Variants in UNC80 observed in about 807,000 individuals in gnomAD.
UNC80 encodes unc-80 subunit of NALCN channel complex, also known as protein unc-80 homolog.
In UNC80, 164 loss-of-function variants were observed where a neutral mutation model predicts 384.6. The observed-to-expected ratio is 0.43, with a 90% CI of 0.38 to 0.49. UNC80 has a LOEUF of 0.49. UNC80 is among the 20% of genes least tolerant of loss of function. UNC80 has a pLI of 0.00. For missense variants in UNC80, 3,330 were observed against 4,143.0 expected, an observed-to-expected ratio of 0.80 and a Z score of 5.39; for synonymous variants, 1,486 against 1,527.8, an observed-to-expected ratio of 0.97 and a Z score of 0.64.
chr2:209,972,072 C>A, intron 54 of UNC80, 129 bp from the exon 55 acceptor site: 1 of 1,160,798 alleles, frequency 8.6e-7, no homozygotes, highest in Non-Finnish European at 1.2e-6. Context: ...GCTGTACAGA[C>A]AACAATTGAA....
At position 209,993,353 on chromosome 2, in the gene UNC80, T is replaced by C; in HGVS notation, c.9435T>C (p.Thr3145=). The change falls in exon 63 of 65, where the codon ACT becomes ACC. Residue 3145 remains threonine, a synonymous_variant. Transcript: ENST00000673920. ...RPLLSRQKTQ[T]EPRNRQGARL... is the part of the protein sequence containing the mutation. ...TACTATCACGTCAGAAAACTCAGAC[T>C]GAACCCAGAAATCGCCAAGGGGCTC... 1.3e-6 allele frequency: 2 copies of C among 1,551,996 alleles called. No homozygotes were observed. Among genetic ancestry groups the C allele is most frequent in the Non-Finnish European group, 1.7e-6 (2 of 1,147,032 alleles).
rs1489801507 is a variant in UNC80, at chr2:209,921,642, G to A, written c.5486G>A (p.Cys1829Tyr). ...ITAIPITQEACYEPTCTPNSE... is the reference protein window; with the variant it reads ...ITAIPITQEAYYEPTCTPNSE... Reference sequence around the variant, plus strand: ...GCCATCCCCATCACCCAGGAGGCTTGCTATGAGCCCACATGCACGCCCAAC... The same window carrying A: ...GCCATCCCCATCACCCAGGAGGCTTACTATGAGCCCACATGCACGCCCAAC... Residue 1829 changes from cysteine (C) to tyrosine (Y), a missense_variant, in exon 34 of 65, where the codon TGC (cysteine) becomes TAC (tyrosine). Coordinates refer to ENST00000673920, the MANE Select transcript of UNC80 (RefSeq NM_001371986.1). 1.3e-6 allele frequency: 2 copies of A among 1,551,502 alleles called. No individual in the cohort carries two copies. The highest frequency in any genetic ancestry group is 1.4e-5 in the African/African-American group (1 of 73,032).
At chr2:209,934,888 T>G (rs1357768157) in intron 39 of UNC80, among the ~76,000 whole-genome samples, 5 of 152,142 alleles carry the variant, frequency 3.3e-5, no homozygotes, top group Non-Finnish European at 5.9e-5. Context: ...CCAAAAAAAG[T>G]GATCAGTTTT....
intron 3 of UNC80, among the ~76,000 whole-genome samples, chr2:209,776,672 C>T (rs1212858403): frequency 1.3e-5 from 2 of 152,204 alleles, no homozygotes; most frequent in Non-Finnish European, 2.9e-5. Flanking sequence ...TAGCCAAGGT[C>T]ATCCTTTTTG....
chr2:209,809,360 C>A, intron 7 of UNC80: 1 of 917,136 alleles, frequency 1.1e-6, no homozygotes, highest in Non-Finnish European at 1.8e-6. Context: ...TTCTCCAGAC[C>A]CTGGCTGCTG....
chr2:209,771,997 G>A lies in UNC80; in HGVS notation c.-76G>A. 9.3e-7 allele frequency: 1 copy of A among 1,080,600 alleles called. No individual in the cohort carries two copies. Among genetic ancestry groups the A allele is most frequent in the Non-Finnish European group, 1.4e-6 (1 of 722,390 alleles). The allele number at this position is 1,080,600 out of a possible 1,614,324, so 66.9% of individuals were successfully genotyped here. A position where few individuals can be genotyped will look rare whatever the true frequency, so the allele number is the denominator to read the frequency against. ...AAGGAGGGGATGAGAGTTGGGAGCAGCGGGAGGAGGCGGCGGCGGCGGCTA... is the reference window on the plus strand; with the variant it reads ...AAGGAGGGGATGAGAGTTGGGAGCAACGGGAGGAGGCGGCGGCGGCGGCTA... On this transcript the variant is annotated 5_prime_UTR_variant, in exon 1 of 65. Coordinates refer to ENST00000673920, the MANE Select transcript of UNC80 (RefSeq NM_001371986.1).
At chr2:209,942,539 C>G (rs1444527635) in intron 44 of UNC80, among the ~76,000 whole-genome samples, 1 of 152,088 alleles carries the variant, frequency 6.6e-6, no homozygotes, top group Non-Finnish European at 1.5e-5. Context: ...TCAGGCAGGG[C>G]CCAGGGGCTC....
intron 1 of UNC80, among the ~76,000 whole-genome samples, chr2:209,772,768 C>T (rs1431060720): frequency 1.3e-5 from 2 of 152,212 alleles, no homozygotes; most frequent in Middle Eastern, 3.4e-3. Flanking sequence ...GACCCATAAG[C>T]CGTGTTCAAT....
At chr2:209,815,427 T>A (rs1309945734) in intron 9 of UNC80, 36 bp downstream of exon 9, 1 of 1,537,294 alleles carries the variant, frequency 6.5e-7, no homozygotes, top group Non-Finnish European at 8.8e-7. Context: ...GATATTTTGG[T>A]AAATAAAAAA....
intron 47 of UNC80, among the ~76,000 whole-genome samples, chr2:209,947,215 G>T (rs1423325219): frequency 6.6e-6 from 1 of 152,118 alleles, no homozygotes; most frequent in Non-Finnish European, 1.5e-5. Flanking sequence ...CATTCTATAC[G>T]TGATTGTAAA....
chr2:209,856,358 T>C (rs557067741), intron 22 of UNC80, among the ~76,000 whole-genome samples: 1 of 152,302 alleles, frequency 6.6e-6, no homozygotes, highest in African/African-American at 2.4e-5. Context: ...TAATCTTTTT[T>C]CTGTTCATTA....
In UNC80 at chr2:209,777,274, G is replaced by T; in HGVS notation, c.315G>T (p.Leu105Phe). Residue 105 changes from leucine to phenylalanine, a missense_variant, in exon 4 of 65, where the codon TTG becomes TTT. By Grantham distance (22) the Leu-to-Phe change is conservative. Transcript: ENST00000673920. ...NRNKLGHQDK[L>F]GVAETKLLHT... ...CCCATGCAGGCCACCAGGATAAATTGGGTGTTGCTGAGACAAAGCTCCTTC... is the reference window on the plus strand; with the variant it reads ...CCCATGCAGGCCACCAGGATAAATTTGGTGTTGCTGAGACAAAGCTCCTTC... 6.3e-7 allele frequency: 1 copy of T among 1,595,774 alleles called. No individual in the cohort carries two copies. The highest frequency in any genetic ancestry group is 2.2e-5 in the East Asian group (1 of 44,724).
chr2:209,953,499 A>G (rs1328697425), intron 47 of UNC80, among the ~76,000 whole-genome samples: 4 of 151,358 alleles, frequency 2.6e-5, no homozygotes, highest in East Asian at 1.9e-4. Context: ...CCCACTTTGC[A>G]TAATAACTAC....
intron 47 of UNC80, among the ~76,000 whole-genome samples, chr2:209,951,845 T>C (rs928187956): frequency 1.3e-5 from 2 of 152,156 alleles, no homozygotes; most frequent in African/African-American, 4.8e-5. Flanking sequence ...TTTTTCCTCC[T>C]TAACCACATG....
intron 17 of UNC80, among the ~76,000 whole-genome samples, 184 bp downstream of exon 17, chr2:209,834,352 A>T (rs373857839): frequency 3.3e-5 from 5 of 152,338 alleles, no homozygotes; most frequent in African/African-American, 9.6e-5. Flanking sequence ...TTACTGTCAA[A>T]TAAATGCTGC....
At position 209,777,464 on chromosome 2, in the gene UNC80, G is replaced by A. The variant is rs769494103; in HGVS notation, c.505G>A (p.Glu169Lys). 24 of 1,614,158 alleles carry A rather than the reference G, an allele frequency of 1.5e-5. No individual in the cohort carries two copies. Among genetic ancestry groups the A allele is most frequent in the Non-Finnish European group, 1.7e-5 (20 of 1,180,030 alleles). Residue 169 changes from glutamate (E) to lysine (K), a missense_variant, in exon 4 of 65, where the codon GAA (glutamate) becomes AAA (lysine). Coordinates refer to ENST00000673920, the MANE Select transcript of UNC80 (RefSeq NM_001371986.1). ...GCCTTGCCAAAGCAGCTCTAATGAC[G>A]AAGAAGAGAACAACCGAAGAAAGAT... The part of the protein sequence containing the change: ...GQPCQSSSND[E>K]EENNRRKIFQ...
At chr2:209,827,315 A>T (rs1559154919) in intron 14 of UNC80, among the ~76,000 whole-genome samples, 1 of 152,150 alleles carries the variant, frequency 6.6e-6, no homozygotes, top group Non-Finnish European at 1.5e-5. Context: ...CAATTTCATG[A>T]CATGAAACAC....
chr2:209,779,442 T>G (rs1214797479), intron 4 of UNC80, among the ~76,000 whole-genome samples: 1 of 152,172 alleles, frequency 6.6e-6, no homozygotes, highest in Non-Finnish European at 1.5e-5. Context: ...AGAAAGTACT[T>G]CCCTGGCTAC....
At chr2:209,993,851 G>A (rs954872388) in intron 63 of UNC80, among the ~76,000 whole-genome samples, 5 of 152,152 alleles carry the variant, frequency 3.3e-5, no homozygotes, top group Admixed American at 1.3e-4. Flanking sequence ...GGCCATTTAC[G>A]TGAAAATGAT....
Sources: allele counts gnomAD v4.1 joint callset (sites outside exome capture counted in the v4.1 genomes callset), GRCh38; gene constraint gnomAD v4.1.1; transcripts MANE v1.5; gene names NCBI Gene and HGNC (gene_info 2026-07-23, HGNC 2026-07-21).